TCP11L1: variants seen among roughly 807,000 people sequenced by gnomAD.
The protein encoded by TCP11L1 is T-complex protein 11-like protein 1.
A neutral mutation model predicts 48.9 loss-of-function variants in TCP11L1; 28 were observed. The ratio of observed to expected loss-of-function variants is 0.57; its 90% confidence interval spans 0.42 to 0.78. The LOEUF (loss-of-function observed/expected upper bound fraction) is 0.78. Among genes scored for constraint, TCP11L1 ranks in the 30% least tolerant of loss-of-function variants. The pLI is 0.00. For missense variants in TCP11L1, 505 were observed against 613.4 expected (o/e 0.82, Z 1.87); for synonymous variants, 204 against 231.9 (o/e 0.88, Z 1.09).
At chr11:33,043,114 A>C (rs1298289456) in intron 1 of TCP11L1, among the ~76,000 whole-genome samples, 5 of 152,330 alleles carry the variant, frequency 3.3e-5, no homozygotes, top group African/African-American at 9.6e-5. Flanking sequence ...ACCCACCTGT[A>C]ATTTCAGCTA....
At chr11:33,072,407 C>CTGAA in intron 9 of TCP11L1, 67 bp from the exon 10 acceptor site, 2 of 1,557,990 alleles carry the variant, frequency 1.3e-6, no homozygotes, top group South Asian at 1.1e-5. Context: ...AAGCTAAGAA[C>CTGAA]TGAAGCACAG....
chr11:33,050,349 G>A (rs1345898337), intron 2 of TCP11L1, among the ~76,000 whole-genome samples: 2 of 152,134 alleles, frequency 1.3e-5, no homozygotes, highest in South Asian at 2.1e-4. Flanking sequence ...TTCTTCTTAA[G>A]GGGTAAGACC....
chr11:33,066,457 C>T (rs888992638), intron 8 of TCP11L1, among the ~76,000 whole-genome samples: 6 of 151,966 alleles, frequency 3.9e-5, no homozygotes, highest in African/African-American at 7.3e-5. Context: ...AGAAGTGGCT[C>T]GGGCTGGGGG....
intron 1 of TCP11L1, among the ~76,000 whole-genome samples, chr11:33,041,844 C>T (rs1564971748): frequency 3.3e-5 from 5 of 152,094 alleles, no homozygotes; most frequent in Non-Finnish European, 5.9e-5. Flanking sequence ...TCACATAATT[C>T]TATCAGGTGA....
At chr11:33,059,458 C>T (rs1251516073) in intron 6 of TCP11L1, among the ~76,000 whole-genome samples, 2 of 152,198 alleles carry the variant, frequency 1.3e-5, no homozygotes, top group African/African-American at 2.4e-5. Flanking sequence ...CACTTTTCTT[C>T]TCCCTGTGTG....
chr11:33,052,174 A>G (rs1854179396), intron 2 of TCP11L1, among the ~76,000 whole-genome samples: 1 of 152,170 alleles, frequency 6.6e-6, no homozygotes, highest in Admixed American at 6.5e-5. Flanking sequence ...TAATCTCTAC[A>G]ACAAGCCCCC....
At chr11:33,062,872 T>A (rs1198777821) in intron 7 of TCP11L1, among the ~76,000 whole-genome samples, 1 of 152,228 alleles carries the variant, frequency 6.6e-6, no homozygotes, top group African/African-American at 2.4e-5. Flanking sequence ...TTTTTTAAAA[T>A]TTTTTTAAAT....
chr11:33,053,397 G>A (rs766134955), intron 2 of TCP11L1, among the ~76,000 whole-genome samples: 5 of 152,112 alleles, frequency 3.3e-5, no homozygotes, highest in African/African-American at 7.2e-5. Context: ...CACCTGCCTT[G>A]ATCTCCCAAA....
chr11:33,048,197 A>C (rs368294159), intron 2 of TCP11L1, among the ~76,000 whole-genome samples: 1 of 107,814 alleles, frequency 9.3e-6, no homozygotes, highest in Non-Finnish European at 2.0e-5. Flanking sequence ...TTTTTTTTTT[A>C]AGACCGGATC....
At chr11:33,065,615 G>C (rs905187849) in intron 7 of TCP11L1, among the ~76,000 whole-genome samples, 4 of 152,200 alleles carry the variant, frequency 2.6e-5, no homozygotes, top group Non-Finnish European at 5.9e-5. Flanking sequence ...AGGCCTGTCT[G>C]TGTTCTTAGT....
chr11:33,052,793 G>A (rs1332067743), intron 2 of TCP11L1, among the ~76,000 whole-genome samples: 1 of 152,008 alleles, frequency 6.6e-6, no homozygotes, highest in Non-Finnish European at 1.5e-5. Flanking sequence ...TCAGGAGTTC[G>A]AGACCAGCCT....
Position 33,058,136 on chromosome 11 carries a change from T to C in TCP11L1, c.635T>C (p.Phe212Ser). ...GACATTAAGGAAATAGTGCCCCTTT[T>C]CAGGTATGGAAATATGTTAATCATA... ...LKDIKEIVPL[F>S]REIFSVLDLM... The change falls in exon 5 of 10, where the codon TTC becomes TCC. Residue 212 changes from phenylalanine (F) to serine (S), a missense_variant. Physicochemically the swap from Phe to Ser is radical, Grantham distance 155. This residue lies in a region of TCP11L1 where 335 missense variants were observed against 413.3 expected (regional missense o/e 0.81). Transcript: ENST00000334274. 6.2e-7 allele frequency: 1 copy of C among 1,611,884 alleles called. No individual in the cohort carries two copies. The highest frequency in any genetic ancestry group is 1.1e-5 in the South Asian group (1 of 90,944).
chr11:33,066,888 T>C (rs1354520930), intron 8 of TCP11L1, among the ~76,000 whole-genome samples: 5 of 152,144 alleles, frequency 3.3e-5, no homozygotes, highest in Non-Finnish European at 5.9e-5. Flanking sequence ...AACACACGTG[T>C]AACAGAAACG....
rs566332334 is a variant in TCP11L1 at position 33,063,716 on chromosome 11, G to C, written c.972+1990G>C. On this transcript the variant is annotated intron_variant, in intron 7 of 9. Transcript: ENST00000334274. ...CTCCCCCTCTCTTTTTGGGGGGTACGTGAGCTTCTTATCACTAGCCTCAGA... is the reference window on the plus strand; with the variant it reads ...CTCCCCCTCTCTTTTTGGGGGGTACCTGAGCTTCTTATCACTAGCCTCAGA... Among the ~76,000 whole-genome samples the C allele has an allele frequency of 6.6e-5, 10 of 152,284 alleles. No individual in the cohort carries two copies. The East Asian group carries it at 1.9e-3, about 29-fold the overall frequency.
chr11:33,058,142 A>G lies in TCP11L1; in HGVS notation c.638+3A>G. On this transcript the variant is annotated splice_donor_region_variant and intron_variant, in intron 5 of 9. Coordinates refer to ENST00000334274, the MANE Select transcript of TCP11L1 (RefSeq NM_018393.4). Reference sequence around the variant, plus strand: ...AAGGAAATAGTGCCCCTTTTCAGGTATGGAAATATGTTAATCATACTCCGT... The same window carrying G: ...AAGGAAATAGTGCCCCTTTTCAGGTGTGGAAATATGTTAATCATACTCCGT... 6.2e-7 allele frequency: 1 copy of G among 1,609,788 alleles called. No individual in the cohort carries two copies. Among genetic ancestry groups the G allele is most frequent in the African/African-American group, 1.3e-5 (1 of 74,918 alleles).
chr11:33,065,782 G>A, intron 7 of TCP11L1, 48 bp from the exon 8 acceptor site: 1 of 1,584,280 alleles, frequency 6.3e-7, no homozygotes. Context: ...CCCTCTGCTG[G>A]CCAACCTGGA....
Position 33,054,776 on chromosome 11 carries a change from G to C in TCP11L1, c.296+51G>C, listed in dbSNP as rs201255107. 1.9e-6 allele frequency: 3 copies of C among 1,552,488 alleles called. No individual in the cohort carries two copies. The East Asian group carries it at 7.2e-5, about 37-fold the overall frequency. ...CTTAGTAGAACACTGTCATTTCCCA[G>C]TTTTGAAAATGTTTCCTTCAGTTGA... is the stretch of plus-strand genomic sequence containing the variant. On this transcript the variant is annotated intron_variant, in intron 3 of 9. Transcript: ENST00000334274.
At chr11:33,066,774 C>G (rs1287740179) in intron 8 of TCP11L1, among the ~76,000 whole-genome samples, 2 of 152,054 alleles carry the variant, frequency 1.3e-5, no homozygotes, top group Non-Finnish European at 2.9e-5. Context: ...CTTACTGGAG[C>G]TTATGAAGAA....
chr11:33,050,675 C>T (rs1854133144), intron 2 of TCP11L1, among the ~76,000 whole-genome samples: 1 of 152,034 alleles, frequency 6.6e-6, no homozygotes, highest in Non-Finnish European at 1.5e-5. Context: ...TTTTTATTTT[C>T]TTAATAGAGT....
Sources: allele counts gnomAD v4.1 joint callset (sites outside exome capture counted in the v4.1 genomes callset), GRCh38; gene constraint gnomAD v4.1.1; regional missense constraint gnomAD v4.1.1; transcripts MANE v1.5; gene names NCBI Gene and HGNC (gene_info 2026-07-23, HGNC 2026-07-21).